The following CACNA1E variants were observed in gnomAD, a reference collection of about 807,000 sequenced individuals.
The protein encoded by CACNA1E is calcium voltage-gated channel subunit alpha1 E, also known as voltage-dependent R-type calcium channel subunit alpha-1E.
Under a neutral mutation model 259.2 loss-of-function variants are expected in CACNA1E, and 40 were observed. The ratio of observed to expected loss-of-function variants is 0.15; its 90% CI spans 0.12 to 0.20. CACNA1E has a LOEUF of 0.20. CACNA1E is among the 10% of genes least tolerant of loss of function. The pLI is 1.00. For synonymous variants in CACNA1E, 1,104 were observed against 1,138.5 expected (o/e 0.97, Z 0.61); for missense variants, 1,874 against 3,040.1 (o/e 0.62, Z 9.02).
In CACNA1E at chr1:181,483,996, G is replaced by A; in HGVS notation, c.252G>A (p.Lys84=). 6.2e-7 allele frequency: 1 copy of A among 1,613,698 alleles called. No individual in the cohort carries two copies. Among genetic ancestry groups the A allele is most frequent in the Non-Finnish European group, 8.5e-7 (1 of 1,179,758 alleles). The change falls in exon 1 of 48, where the codon AAG becomes AAA. Residue 84 remains lysine (K), a synonymous_variant. Transcript: ENST00000367573. ...ACATTGTCAGGAAATATGCCAAGAAGCTCATCGATTGGCCATATCCTTTCT... is the reference window on the plus strand; with the variant it reads ...ACATTGTCAGGAAATATGCCAAGAAACTCATCGATTGGCCATATCCTTTCT... ...EDNIVRKYAK[K]LIDWPPFEYM...
At chr1:181,508,972 A>G (rs992818220) in intron 1 of CACNA1E, among the ~76,000 whole-genome samples, 1 of 151,968 alleles carries the variant, frequency 6.6e-6, no homozygotes, top group Non-Finnish European at 1.5e-5. Flanking sequence ...GGCCCGTGGA[A>G]TGGTCTCTGG....
At chr1:181,533,355 G>T (rs764067127) in intron 3 of CACNA1E, among the ~76,000 whole-genome samples, 1 of 147,890 alleles carries the variant, frequency 6.8e-6, no homozygotes, top group Admixed American at 6.8e-5. Flanking sequence ...ATGTTTTTCC[G>T]TCACTTCCCA....
intron 1 of CACNA1E, among the ~76,000 whole-genome samples, chr1:181,491,961 G>A (rs1664355407): frequency 1.3e-5 from 2 of 152,206 alleles, no homozygotes; most frequent in Admixed American, 6.5e-5. Context: ...GAGGGGACAG[G>A]AGGTTGCCAG....
At chr1:181,782,930 AGT>A (rs1660547527) in intron 39 of CACNA1E, among the ~76,000 whole-genome samples, 1 of 152,168 alleles carries the variant, frequency 6.6e-6, no homozygotes, top group African/African-American at 2.4e-5. Context: ...CTCTCTGGAA[AGT>A]GGATTTGGCC....
intron 1 of CACNA1E, among the ~76,000 whole-genome samples, chr1:181,395,033 G>T (rs992706000): frequency 6.6e-6 from 1 of 152,128 alleles, no homozygotes; most frequent in Non-Finnish European, 1.5e-5. Context: ...CTATTTAAGA[G>T]GCTCACGCTG....
chr1:181,783,478 TACAACA>T (rs139017405), intron 39 of CACNA1E, among the ~76,000 whole-genome samples, 195 bp from the exon 40 acceptor site: 2 of 151,610 alleles, frequency 1.3e-5, no homozygotes, highest in African/African-American at 2.4e-5. Flanking sequence ...ACAAACAAAC[TACAACA>T]ACAACAACAA....
At chr1:181,430,744 C>A (rs4477226) in intron 2 of CACNA1E, among the ~76,000 whole-genome samples, 3 of 151,992 alleles carry the variant, frequency 2.0e-5, no homozygotes, top group African/African-American at 7.3e-5. Flanking sequence ...CAAAGACAAG[C>A]TTTAGCTGTC....
At chr1:181,332,289 G>C (rs1020300192) in intron 1 of CACNA1E, among the ~76,000 whole-genome samples, 42 of 152,156 alleles carry the variant, frequency 2.8e-4, no homozygotes, top group African/African-American at 9.9e-4. Context: ...CTAGGTGATG[G>C]GACAATCTGT....
chr1:181,801,179 C>A lies in CACNA1E; in HGVS notation c.*2345C>A, dbSNP rs1225047351. 4.6e-5 allele frequency: 7 copies of A among 152,652 alleles called. No homozygotes were observed. Among genetic ancestry groups the A allele is most frequent in the African/African-American group, 9.6e-5 (4 of 41,454 alleles). 9.5% of individuals were successfully genotyped at this position (152,652 alleles called of 1,614,324 possible). ...GCAGCTTTCCCTAGGGGGAGGCCTA[C>A]AACAGGACGACCATTCTGAGCCAGT... is the stretch of plus-strand genomic sequence containing the variant. On this transcript the variant is annotated 3_prime_UTR_variant, in exon 48 of 48. Coordinates refer to ENST00000367573, the MANE Select transcript of CACNA1E (RefSeq NM_001205293.3).
intron 21 of CACNA1E, among the ~76,000 whole-genome samples, chr1:181,734,327 C>A (rs1379749219): frequency 6.6e-6 from 1 of 152,094 alleles, no homozygotes; most frequent in Non-Finnish European, 1.5e-5. Context: ...CATCACAGTT[C>A]CCTTAGGCAA....
chr1:181,430,779 C>T (rs1659662275), intron 2 of CACNA1E, among the ~76,000 whole-genome samples: 1 of 152,190 alleles, frequency 6.6e-6, no homozygotes, highest in East Asian at 1.9e-4. Context: ...TTCCTTTTCT[C>T]CTCCCTCAAC....
chr1:181,396,598 A>G (rs567650323), intron 1 of CACNA1E, among the ~76,000 whole-genome samples: 2 of 152,376 alleles, frequency 1.3e-5, no homozygotes, highest in Admixed American at 6.5e-5. Flanking sequence ...TTTTTCTAAG[A>G]TGAGAGAAAC....
At chr1:181,766,055 A>AACTT (rs1172437336) in intron 34 of CACNA1E, among the ~76,000 whole-genome samples, 1 of 152,202 alleles carries the variant, frequency 6.6e-6, no homozygotes, top group Non-Finnish European at 1.5e-5. Context: ...CCTTTCTAGG[A>AACTT]ACTTACAAAC....
At chr1:181,399,955 G>A (rs1656972909) in intron 1 of CACNA1E, among the ~76,000 whole-genome samples, 1 of 152,150 alleles carries the variant, frequency 6.6e-6, no homozygotes, top group African/African-American at 2.4e-5. Context: ...TTACAGGTGA[G>A]GCCCTAAGTG....
At chr1:181,418,107 C>G (rs927591709) in intron 2 of CACNA1E, among the ~76,000 whole-genome samples, 1 of 152,174 alleles carries the variant, frequency 6.6e-6, no homozygotes. Context: ...CTTCCTTGAC[C>G]TAGCAGCAAC....
chr1:181,655,034 T>G (rs1337621686), intron 7 of CACNA1E, among the ~76,000 whole-genome samples: 1 of 151,628 alleles, frequency 6.6e-6, no homozygotes, highest in Non-Finnish European at 1.5e-5. Context: ...AACATAGATT[T>G]TAGTGAAAAC....
In CACNA1E at chr1:181,804,971, G is replaced by A. The variant is rs1011005511; in HGVS notation, c.*6137G>A. ...TTTTTTTTTTCTATCCAGAAAGTTG[G>A]GTTTTCATGATCTGAGCTTCCTTAT... On this transcript the variant is annotated 3_prime_UTR_variant, in exon 48 of 48. Transcript: ENST00000367573. 1.3e-5 allele frequency: 2 copies of A among 148,996 alleles called. No individual in the cohort carries two copies. Among genetic ancestry groups the A allele is most frequent in the African/African-American group, 4.9e-5 (2 of 40,626 alleles). The allele number at this position is 148,996 out of a possible 1,614,324, so 9.2% of individuals were successfully genotyped here.
intron 46 of CACNA1E, among the ~76,000 whole-genome samples, chr1:181,795,586 G>A (rs887488196): frequency 2.8e-4 from 43 of 151,398 alleles, no homozygotes; most frequent in East Asian, 7.8e-4. Flanking sequence ...GACTACAGGC[G>A]CCCGCCACCG....
intron 7 of CACNA1E, among the ~76,000 whole-genome samples, chr1:181,698,147 A>G (rs3766988): frequency 0.12 from 18,540 of 152,302 alleles, 1,161 homozygotes; most frequent in Admixed American, 0.16. Flanking sequence ...GTCTACACGT[A>G]TTCAGTAACA....
Sources: gnomAD v4.1 joint callset for allele counts (sites outside exome capture counted in the v4.1 genomes callset) on GRCh38, gnomAD v4.1.1 for gene constraint, MANE v1.5 for transcripts, NCBI Gene and HGNC (gene_info 2026-07-23, HGNC 2026-07-21) for gene names.